The following PTPRG variants were observed in gnomAD, a reference collection of about 807,000 sequenced individuals.
The protein encoded by PTPRG is protein tyrosine phosphatase receptor type G, also known as receptor-type tyrosine-protein phosphatase gamma.
PTPRG carries 102 observed loss-of-function variants against 165.3 expected under a neutral mutation model. That is an observed-to-expected ratio of 0.62 (90% CI 0.53 to 0.73). The LOEUF is 0.73. Ranked by LOEUF, PTPRG falls within the 30% of genes least tolerant of loss-of-function variation. The pLI, the probability that PTPRG is intolerant of heterozygous loss-of-function variation, is 0.00. For missense variants in PTPRG, 1,866 were observed against 1,861.4 expected, an observed-to-expected ratio of 1.00 and a Z score of -0.05; for synonymous variants, 675 against 669.5, an observed-to-expected ratio of 1.01 and a Z score of -0.13.
intron 1 of PTPRG, among the ~76,000 whole-genome samples, chr3:61,688,039 C>T (rs1373183492): frequency 6.6e-6 from 1 of 152,150 alleles, no homozygotes; most frequent in Non-Finnish European, 1.5e-5. Context: ...CCCATTCAGC[C>T]CCTTCTTCTG....
At chr3:61,643,152 T>C (rs150083582) in intron 1 of PTPRG, among the ~76,000 whole-genome samples, 131 of 152,186 alleles carry the variant, frequency 8.6e-4, no homozygotes, top group African/African-American at 3.1e-3. Context: ...ATTTGAGACA[T>C]ATCCATGAAA....
chr3:62,225,611 A>G (rs771274862), intron 13 of PTPRG, among the ~76,000 whole-genome samples: 43 of 150,016 alleles, frequency 2.9e-4, no homozygotes, highest in Non-Finnish European at 5.0e-4. Context: ...ATGGCTTTGT[A>G]TATCTGAAAA....
intron 2 of PTPRG, among the ~76,000 whole-genome samples, chr3:61,961,669 A>T (rs2040155935): frequency 6.6e-6 from 1 of 152,168 alleles, no homozygotes; most frequent in African/African-American, 2.4e-5. Flanking sequence ...GTTTCCATGG[A>T]TCTACATTGC....
intron 4 of PTPRG, among the ~76,000 whole-genome samples, chr3:62,058,485 C>A (rs76797683): frequency 6.6e-6 from 1 of 151,974 alleles, no homozygotes; most frequent in African/African-American, 2.4e-5. Context: ...ATTTTAAGTG[C>A]GTCAGTCCTT....
At chr3:62,044,019 C>T (rs1700208570) in intron 4 of PTPRG, among the ~76,000 whole-genome samples, 1 of 152,278 alleles carries the variant, frequency 6.6e-6, no homozygotes, top group Middle Eastern at 3.4e-3. Context: ...AATTTTTGCT[C>T]CCAATGATAA....
At position 61,590,387 on chromosome 3, in the gene PTPRG, A is replaced by G. The variant is rs1174703282; in HGVS notation, c.85+28015A>G. Among the ~76,000 whole-genome samples the G allele has an allele frequency of 2.6e-5, 4 of 152,214 alleles. No individual in the cohort carries two copies. The East Asian group carries it at 7.8e-4, about 30-fold the overall frequency. On this transcript the variant is annotated intron_variant, in intron 1 of 29. Coordinates refer to ENST00000474889, the MANE Select transcript of PTPRG (RefSeq NM_002841.4). Reference sequence around the variant, plus strand: ...AAAATATATAAAAATTAGCTGGCGTAGTGGCACGCACCTGTAACCACAGCT... The same window carrying G: ...AAAATATATAAAAATTAGCTGGCGTGGTGGCACGCACCTGTAACCACAGCT...
intron 2 of PTPRG, among the ~76,000 whole-genome samples, chr3:61,876,331 A>G (rs1255278872): frequency 6.6e-6 from 1 of 152,190 alleles, no homozygotes; most frequent in African/African-American, 2.4e-5. Flanking sequence ...ATCCTGGATA[A>G]GATGCTGGAA....
At chr3:61,699,100 A>G (rs937865086) in intron 1 of PTPRG, among the ~76,000 whole-genome samples, 6 of 152,196 alleles carry the variant, frequency 3.9e-5, no homozygotes, top group Non-Finnish European at 8.8e-5. Flanking sequence ...CAGCACAGCA[A>G]CATGGCACAT....
rs75141549 is a variant in PTPRG, at chr3:61,612,930, C to T, written c.85+50558C>T. 9.1e-3 allele frequency among the ~76,000 whole-genome samples: 1,386 copies of T among 151,910 alleles called. 21 individuals are homozygous for T. The highest frequency in any genetic ancestry group is 0.032 in the African/African-American group (1,307 of 41,422). On this transcript the variant is annotated intron_variant, in intron 1 of 29. Coordinates refer to ENST00000474889, the MANE Select transcript of PTPRG (RefSeq NM_002841.4). ...TTGGTAGAACAGCCTTTGTTGTGAA[C>T]CAGAGGATGACAAAGGACAGGTCAG...
intron 1 of PTPRG, among the ~76,000 whole-genome samples, chr3:61,697,882 CAT>C (rs1379137861): frequency 2.6e-5 from 4 of 152,176 alleles, no homozygotes; most frequent in African/African-American, 4.8e-5. Context: ...TTTGAGCACA[CAT>C]AAACATTCAG....
At chr3:61,635,311 C>T (rs1701878270) in intron 1 of PTPRG, among the ~76,000 whole-genome samples, 1 of 149,584 alleles carries the variant, frequency 6.7e-6, no homozygotes. Flanking sequence ...TTAGTTTTTA[C>T]CAATTACCCT....
chr3:61,895,000 C>A (rs2107508138), intron 2 of PTPRG, among the ~76,000 whole-genome samples: 1 of 152,304 alleles, frequency 6.6e-6, no homozygotes, highest in East Asian at 1.9e-4. Context: ...TTAGCAGTAT[C>A]TCTGGGCCCT....
At chr3:61,581,030 T>C (rs566254754) in intron 1 of PTPRG, among the ~76,000 whole-genome samples, 1 of 152,366 alleles carries the variant, frequency 6.6e-6, no homozygotes, top group Non-Finnish European at 1.5e-5. Context: ...TTCTGACTTT[T>C]CAAAGCCTGG....
In PTPRG at chr3:62,062,112, C is replaced by G. The variant is rs554633824; in HGVS notation, c.520-16051C>G. On this transcript the variant is annotated intron_variant, in intron 4 of 29. Coordinates refer to ENST00000474889, the MANE Select transcript of PTPRG (RefSeq NM_002841.4). The stretch of plus-strand genomic sequence containing the variant: ...GTTGGGAGTTCGAGACCAGCCTGAC[C>G]AACATGGAGAAACCCCATCTCTACT... Among the ~76,000 whole-genome samples the G allele has an allele frequency of 1.1e-3, 161 of 151,884 alleles. 1 individual carries two copies. The East Asian group carries it at 0.027, about 25-fold the overall frequency.
At chr3:61,766,633 G>A (rs1264506805) in intron 2 of PTPRG, among the ~76,000 whole-genome samples, 4 of 140,280 alleles carry the variant, frequency 2.9e-5, no homozygotes, top group African/African-American at 5.3e-5. Context: ...TTTTTTTTTC[G>A]TTTAAGACAG....
intron 2 of PTPRG, among the ~76,000 whole-genome samples, chr3:61,948,320 C>T (rs180945984): frequency 2.0e-5 from 3 of 151,378 alleles, no homozygotes; most frequent in African/African-American, 7.3e-5. Context: ...AGTAAAACTC[C>T]GTTTTACAAA....
intron 3 of PTPRG, among the ~76,000 whole-genome samples, chr3:61,998,639 G>T (rs569501304): frequency 1.3e-5 from 2 of 152,294 alleles, no homozygotes; most frequent in South Asian, 4.1e-4. Flanking sequence ...TATCAAGAAG[G>T]TATAGACCTC....
chr3:62,275,876 G>C lies in PTPRG; in HGVS notation c.3469G>C (p.Val1157Leu). Residue 1157 changes from valine (V) to leucine (L), a missense_variant, in exon 24 of 30, where the codon GTC (valine) becomes CTC (leucine). Physicochemically the swap from Val to Leu is conservative, Grantham distance 32. Coordinates refer to ENST00000474889, the MANE Select transcript of PTPRG (RefSeq NM_002841.4). ...KTRLEKQFKLVTQCNAKYVEC... is the reference protein window; with the variant it reads ...KTRLEKQFKLLTQCNAKYVEC... ...TAAAATGTTTTTTCTTTTTCAGCTG[G>C]TCACACAGTGTAATGCAAAATATGT... 1 of 1,603,376 alleles carries C rather than the reference G, an allele frequency of 6.2e-7. No homozygotes were observed. Among genetic ancestry groups the C allele is most frequent in the Non-Finnish European group, 8.5e-7 (1 of 1,173,984 alleles).
intron 4 of PTPRG, among the ~76,000 whole-genome samples, chr3:62,050,327 G>A (rs919615531): frequency 6.6e-6 from 1 of 152,156 alleles, no homozygotes; most frequent in African/African-American, 2.4e-5. Context: ...TGTTACAGTT[G>A]CCTACAGTAT....
Sources: gnomAD v4.1 joint callset for allele counts (sites outside exome capture counted in the v4.1 genomes callset) on GRCh38, gnomAD v4.1.1 for gene constraint, MANE v1.5 for transcripts, NCBI Gene and HGNC (gene_info 2026-07-23, HGNC 2026-07-21) for gene names.